Variants in IGSF8 observed in about 807,000 individuals in gnomAD.
IGSF8 encodes the protein CD81 partner 3.
In IGSF8, 46 loss-of-function variants were observed where a neutral mutation model predicts 55.5. The ratio of observed to expected loss-of-function variants is 0.83; its 90% confidence interval spans 0.65 to 1.06. The LOEUF is 1.06. IGSF8 is among the 50% of genes least tolerant of loss of function. The pLI, the probability that IGSF8 is intolerant of heterozygous loss-of-function variation, is 0.00. For missense variants in IGSF8, 731 were observed against 832.3 expected (o/e 0.88, Z 1.50); for synonymous variants, 314 against 356.1 (o/e 0.88, Z 1.33).
Position 160,093,669 on chromosome 1 carries a change from C to T in IGSF8, c.904+41G>A, listed in dbSNP as rs759500984. 19 of 1,514,188 alleles carry T rather than the reference C, an allele frequency of 1.3e-5. No individual in the cohort carries two copies. In the South Asian group the frequency reaches 2.3e-4, roughly 18 times the overall value. 93.8% of individuals were successfully genotyped at this position (1,514,188 alleles called of 1,614,324 possible). A position where few individuals can be genotyped will look rare whatever the true frequency, so the allele number is the denominator to read the frequency against. ...GCCACAGTGCCCACCAGGATACTGT[C>T]CCTCCCAGCTCCCACAGTGGGATGT... On this transcript the variant is annotated intron_variant, in intron 3 of 6. Coordinates refer to ENST00000314485, the MANE Select transcript of IGSF8 (RefSeq NM_052868.6).
intron 1 of IGSF8, among the ~76,000 whole-genome samples, chr1:160,095,952 C>G (rs1242233954): frequency 6.6e-6 from 1 of 152,248 alleles, no homozygotes; most frequent in East Asian, 1.9e-4. Flanking sequence ...TGCCAACCTT[C>G]CGGGCTAGCC....
Position 160,095,250 on chromosome 1 carries a change from T to C in IGSF8, c.65-4A>G, listed in dbSNP as rs369930773. 6.9e-6 allele frequency: 11 copies of C among 1,597,412 alleles called. No homozygotes were observed. The highest frequency in any genetic ancestry group is 9.3e-6 in the Non-Finnish European group (11 of 1,177,162). On this transcript the variant is annotated splice_polypyrimidine_tract_variant and splice_region_variant and intron_variant, in intron 1 of 6. Transcript: ENST00000314485. ...TCCCGGGCCCAGCATCCCATTCCTG[T>C]AGGGAAAGGCAGAAGGAGTTGGAGA...
chr1:160,093,838 C>A lies in IGSF8; in HGVS notation c.776G>T (p.Gly259Val), dbSNP rs747741741. Residue 259 changes from glycine to valine, a missense_variant, in exon 3 of 7, where the codon GGT becomes GTT. Coordinates refer to ENST00000314485, the MANE Select transcript of IGSF8 (RefSeq NM_052868.6). The stretch of plus-strand genomic sequence containing the variant: ...GGTGCCTGCGTCCCCTGCCTGGGCA[C>A]CCCCTACTACCATGCGGTACCGATC... The part of the protein sequence containing the change: ...GTDRYRMVVG[G>V]AQAGDAGTYH... The A allele has an allele frequency of 1.9e-6, 3 of 1,614,134 alleles. No homozygotes were observed. The highest frequency in any genetic ancestry group is 1.7e-6 in the Non-Finnish European group (2 of 1,180,006).
intron 1 of IGSF8, among the ~76,000 whole-genome samples, chr1:160,095,907 G>A (rs544959000): frequency 1.3e-5 from 2 of 152,340 alleles, no homozygotes; most frequent in Admixed American, 1.3e-4. Context: ...CTCTGCCCTG[G>A]CCATTGGGGG....
At position 160,093,905 on chromosome 1, in the gene IGSF8, G is replaced by A. The variant is rs748991650; in HGVS notation, c.709C>T (p.Arg237Ter). 24 of 1,614,064 alleles carry A rather than the reference G, an allele frequency of 1.5e-5. No individual in the cohort carries two copies. Among genetic ancestry groups the A allele is most frequent in the East Asian group, 4.5e-5 (2 of 44,898 alleles). Residue 237 changes from arginine (R) to a stop codon, truncating the protein, a stop_gained, in exon 3 of 7, where the codon CGA (arginine) becomes TGA (stop). Coordinates refer to ENST00000314485, the MANE Select transcript of IGSF8 (RefSeq NM_052868.6). LOFTEE classifies it high-confidence loss of function. ...AGACGAAGCTCCCCTGCAGCCAATCGCTCAGCATAGGGAGCTCCAGCCTCC... is the reference window on the plus strand; with the variant it reads ...AGACGAAGCTCCCCTGCAGCCAATCACTCAGCATAGGGAGCTCCAGCCTCC... ...AVEAGAPYAE[R>*]LAAGELRLGK...
chr1:160,094,305 T>C lies in IGSF8; in HGVS notation c.443-134A>G, dbSNP rs1162945207. 6.2e-6 allele frequency: 4 copies of C among 646,232 alleles called. No homozygotes were observed. The highest frequency in any genetic ancestry group is 1.1e-5 in the Non-Finnish European group (4 of 377,668). 40.0% of individuals were successfully genotyped at this position (646,232 alleles called of 1,614,324 possible). A position where few individuals can be genotyped will look rare whatever the true frequency, so the allele number is the denominator to read the frequency against. On this transcript the variant is annotated intron_variant, in intron 2 of 6. Coordinates refer to ENST00000314485, the MANE Select transcript of IGSF8 (RefSeq NM_052868.6). The surrounding 1 kb of genome is among the most constrained non-coding windows in gnomAD (Gnocchi z 4.0). ...AGATCGCATGTTGTATTATTTCTTC[T>C]GTAACTCAGTGGTGCCAAGGGCAGT...
chr1:160,092,047 A>G, intron 5 of IGSF8, 109 bp from the exon 6 acceptor site: 1 of 853,486 alleles, frequency 1.2e-6, no homozygotes, highest in Non-Finnish European at 1.9e-6. Flanking sequence ...CTCCATTCAC[A>G]GACACCCCCA....
At position 160,093,237 on chromosome 1, in the gene IGSF8, G is replaced by C; in HGVS notation, c.999C>G (p.Pro333=). Residue 333 remains proline (P), a synonymous_variant, in exon 4 of 7, where the codon CCC becomes CCG. Transcript: ENST00000314485. ...ELLCNVSGAL[P]PAGRHAAYSV... ...AGTATGCAGCATGACGGCCTGCTGG[G>C]GGAAGTGCCCCTGACACATTGCACA... is the stretch of plus-strand genomic sequence containing the variant. 6.2e-7 allele frequency: 1 copy of C among 1,614,068 alleles called. No individual in the cohort carries two copies. Among genetic ancestry groups the C allele is most frequent in the Non-Finnish European group, 8.5e-7 (1 of 1,179,954 alleles).
chr1:160,092,499 A>T lies in IGSF8; in HGVS notation c.1509T>A (p.Asp503Glu). 1 of 1,613,526 alleles carries T rather than the reference A, an allele frequency of 6.2e-7. No individual in the cohort carries two copies. Among genetic ancestry groups the T allele is most frequent in the Non-Finnish European group, 8.5e-7 (1 of 1,179,820 alleles). The part of the protein sequence containing the change: ...PAQLVGGVGQ[D>E]GVAELGVRPG... The stretch of plus-strand genomic sequence containing the variant: ...GCCGGACTCCCAGCTCTGCCACACC[A>T]TCCTGGCCTACGCCACCCACCAGCT... The change falls in exon 5 of 7, where the codon GAT (aspartate) becomes GAA (glutamate). Residue 503 changes from aspartate to glutamate, a missense_variant. Coordinates refer to ENST00000314485, the MANE Select transcript of IGSF8 (RefSeq NM_052868.6).
rs766831671 is a variant in IGSF8, at chr1:160,095,101, C to T, written c.210G>A (p.Glu70=). 1.2e-5 allele frequency: 20 copies of T among 1,614,024 alleles called. No homozygotes were observed. Among genetic ancestry groups the T allele is most frequent in the Non-Finnish European group, 1.7e-6 (2 of 1,180,040 alleles). ...QNFEWFLYRP[E]APDTALGIVS... ...CAATGCCCAGTGCAGTATCTGGGGC[C>T]TCGGGCCTATACAGGAACCACTCGA... The change falls in exon 2 of 7, where the codon GAG becomes GAA. Residue 70 remains glutamate, a synonymous_variant. Coordinates refer to ENST00000314485, the MANE Select transcript of IGSF8 (RefSeq NM_052868.6).
chr1:160,093,746 T>C lies in IGSF8; in HGVS notation c.868A>G (p.Arg290Gly), dbSNP rs1372631969. The C allele has an allele frequency of 1.9e-6, 3 of 1,612,804 alleles. No homozygotes were observed. The Admixed American group carries it at 5.0e-5, about 27-fold the overall frequency. ...DGSWAQIAEK[R>G]AVLAHVDVQT... ...ACATCCACGTGGGCCAGGACGGCCC[T>C]TTTCTCTGCAATCTGGGCCCAGCTG... The change falls in exon 3 of 7, where the codon AGG (arginine) becomes GGG (glycine). Residue 290 changes from arginine (R) to glycine (G), a missense_variant. Arg to Gly is a moderately radical substitution (Grantham distance 125, BLOSUM62 -2). Transcript: ENST00000314485.
intron 1 of IGSF8, 151 bp downstream of exon 1, chr1:160,098,258 C>T: frequency 8.4e-7 from 1 of 1,188,554 alleles, no homozygotes; most frequent in Middle Eastern, 2.8e-4. Context: ...GCTCGGCGGA[C>T]AGCCACAAAG....
In IGSF8 at chr1:160,092,647, C is replaced by T. The variant is rs939372277; in HGVS notation, c.1361G>A (p.Arg454His). Residue 454 changes from arginine to histidine, a missense_variant, in exon 5 of 7, where the codon CGC becomes CAC. By Grantham distance (29) the Arg-to-His change is conservative (BLOSUM62 0). Coordinates refer to ENST00000314485, the MANE Select transcript of IGSF8 (RefSeq NM_052868.6). Reference sequence around the variant, plus strand: ...GCACAGCAGGGAGGCAGTCTCCCCGCGGTACACTGTGCCTCCTGCTAGCCA... The same window carrying T: ...GCACAGCAGGGAGGCAGTCTCCCCGTGGTACACTGTGCCTCCTGCTAGCCA... ...VAWLAGGTVY[R>H]GETASLLCNI... The T allele has an allele frequency of 6.2e-6, 10 of 1,601,676 alleles. No homozygotes were observed. The highest frequency in any genetic ancestry group is 2.2e-5 in the East Asian group (1 of 44,898).
chr1:160,092,005 G>A (rs1432849194), intron 5 of IGSF8, 67 bp from the exon 6 acceptor site: 8 of 1,141,764 alleles, frequency 7.0e-6, no homozygotes, highest in East Asian at 2.4e-5. Context: ...TTGCCTCTGC[G>A]CTTTCCCCAT....
chr1:160,093,733 G>A lies in IGSF8; in HGVS notation c.881C>T (p.Ala294Val). 6.2e-7 allele frequency: 1 copy of A among 1,610,774 alleles called. No individual in the cohort carries two copies. The highest frequency in any genetic ancestry group is 8.5e-7 in the Non-Finnish European group (1 of 1,177,974). Residue 294 changes from alanine (A) to valine (V), a missense_variant, in exon 3 of 7, where the codon GCC (alanine) becomes GTC (valine). Transcript: ENST00000314485. The stretch of plus-strand genomic sequence containing the variant: ...ACACAGCGTCTGCACATCCACGTGG[G>A]CCAGGACGGCCCTTTTCTCTGCAAT... ...AQIAEKRAVL[A>V]HVDVQTLSSQ...
intron 1 of IGSF8, chr1:160,098,068 G>A (rs767386095): frequency 1.6e-4 from 126 of 768,706 alleles, no homozygotes; most frequent in Non-Finnish European, 2.0e-4. Flanking sequence ...CTGGAGCTGA[G>A]TGTGGGGCAG....
chr1:160,097,160 G>A (rs1473252566), intron 1 of IGSF8, among the ~76,000 whole-genome samples: 1 of 152,234 alleles, frequency 6.6e-6, no homozygotes, highest in Non-Finnish European at 1.5e-5. Flanking sequence ...TTTGTGAAAT[G>A]AATGTAAGTG....
In IGSF8 at chr1:160,092,977, C is replaced by G. The variant is rs767148569; in HGVS notation, c.1259G>C (p.Arg420Pro). 2.5e-6 allele frequency: 4 copies of G among 1,611,054 alleles called. No homozygotes were observed. The African/African-American group carries it at 5.3e-5, about 22-fold the overall frequency. Residue 420 changes from arginine (R) to proline (P), a missense_variant, in exon 4 of 7, where the codon CGT becomes CCT. Transcript: ENST00000314485. ...CCGGGAACGGGCACTGGCTGCTTCA[C>G]GAAGCCGGGTCCCAGACCCTCGAAC... ...AYVRGSGTRL[R>P]EAASARSRPL...
chr1:160,095,338 A>G (rs999193709), intron 1 of IGSF8, 92 bp from the exon 2 acceptor site: 5 of 1,301,726 alleles, frequency 3.8e-6, no homozygotes, highest in Non-Finnish European at 5.2e-6. Context: ...TCTGCCTACA[A>G]AAGGAAAGGA....
Sources: gnomAD v4.1 joint callset for allele counts (sites outside exome capture counted in the v4.1 genomes callset) on GRCh38, gnomAD v4.1.1 for gene constraint, Gnocchi (gnomAD v3.1) non-coding constraint, MANE v1.5 for transcripts, NCBI Gene and HGNC (gene_info 2026-07-23, HGNC 2026-07-21) for gene names.